The following PXK variants were observed in gnomAD, a reference collection of about 807,000 sequenced individuals.
PXK encodes the protein PX domain-containing protein kinase-like protein.
In PXK, 35 loss-of-function variants were observed where a neutral mutation model predicts 84.7. The observed-to-expected ratio is 0.41, with a 90% CI of 0.32 to 0.55. PXK has a LOEUF of 0.55. PXK is among the 20% of genes least tolerant of loss of function. The pLI is 0.21. For missense variants in PXK, 634 were observed against 699.7 expected (o/e 0.91, Z 1.06); for synonymous variants, 253 against 260.8 (o/e 0.97, Z 0.29).
At position 58,402,796 on chromosome 3, in the gene PXK, C is replaced by G. The variant is rs1206272509; in HGVS notation, c.1182-1066C>G. ...TTGGTCACATGGGTAATTTTAAAATCATTTTTTATTATTTTTATTTTTAAC... is the reference window on the plus strand; with the variant it reads ...TTGGTCACATGGGTAATTTTAAAATGATTTTTTATTATTTTTATTTTTAAC... On this transcript the variant is annotated intron_variant, in intron 12 of 17. Coordinates refer to ENST00000356151, the MANE Select transcript of PXK (RefSeq NM_017771.5). Among the ~76,000 whole-genome samples the G allele has an allele frequency of 2.1e-5, 3 of 139,720 alleles. 1 individual carries two copies. The highest frequency in any genetic ancestry group is 4.6e-4 in the South Asian group (2 of 4,336). 91.7% of individuals were successfully genotyped at this position (139,720 alleles called of 152,430 possible).
At chr3:58,352,645 C>T (rs1211179152) in intron 1 of PXK, among the ~76,000 whole-genome samples, 1 of 151,972 alleles carries the variant, frequency 6.6e-6, no homozygotes, top group African/African-American at 2.4e-5. Context: ...ATGTAATTTG[C>T]GTGGGTGTCA....
In PXK at chr3:58,412,244, A is replaced by T. The variant is rs1435397799; in HGVS notation, c.1466-657A>T. ...GGAAGATATTTTCTAGGGATCGCCA[A>T]GTAATGGGGAGATGCTGAGAACTTG... On this transcript the variant is annotated intron_variant, in intron 16 of 17. Transcript: ENST00000356151. The surrounding 1 kb of genome is among the most constrained non-coding windows in gnomAD (Gnocchi z 6.2). Among the ~76,000 whole-genome samples the T allele has an allele frequency of 2.6e-5, 4 of 152,162 alleles. No homozygotes were observed. The highest frequency in any genetic ancestry group is 5.9e-5 in the Non-Finnish European group (4 of 68,038).
At chr3:58,394,854 A>C (rs1264550285) in intron 7 of PXK, 144 bp from the exon 8 acceptor site, 1 of 552,420 alleles carries the variant, frequency 1.8e-6, no homozygotes, top group Non-Finnish European at 3.2e-6. Flanking sequence ...TAACTTGAAA[A>C]TGCCATGTGT....
chr3:58,368,117 A>G (rs995913295), intron 2 of PXK, among the ~76,000 whole-genome samples: 2 of 152,208 alleles, frequency 1.3e-5, no homozygotes, highest in South Asian at 2.1e-4. Context: ...GATTGTAGGT[A>G]TGAGCCATTG....
intron 4 of PXK, among the ~76,000 whole-genome samples, chr3:58,389,220 T>C (rs542294006): frequency 3.9e-5 from 6 of 152,278 alleles, no homozygotes; most frequent in Admixed American, 1.3e-4. Flanking sequence ...AATAGAACCA[T>C]GTTGTTGCTG....
chr3:58,409,415 C>G lies in PXK; in HGVS notation c.1309-117C>G. ...CGAGCCAGGAAGTAGACAGCCTGAG[C>G]AAGGAAAGATTTTCTTTTATCCCAA... On this transcript the variant is annotated intron_variant, in intron 14 of 17. Transcript: ENST00000356151. The surrounding 1 kb of genome is among the most constrained non-coding windows in gnomAD (Gnocchi z 4.2). The G allele has an allele frequency of 1.0e-6, 1 of 955,898 alleles. No homozygotes were observed. The highest frequency in any genetic ancestry group is 1.6e-6 in the Non-Finnish European group (1 of 619,994). The allele number at this position is 955,898 out of a possible 1,614,324, so 59.2% of individuals were successfully genotyped here.
At chr3:58,363,125 C>T (rs944628480) in intron 1 of PXK, among the ~76,000 whole-genome samples, 7 of 152,036 alleles carry the variant, frequency 4.6e-5, no homozygotes, top group Non-Finnish European at 8.8e-5. Flanking sequence ...TATTTCTATT[C>T]GTTTATTCAG....
At chr3:58,342,350 A>G (rs1203746376) in intron 1 of PXK, among the ~76,000 whole-genome samples, 1 of 149,806 alleles carries the variant, frequency 6.7e-6, no homozygotes, top group East Asian at 1.9e-4. Flanking sequence ...ACTGCCGGAA[A>G]AACTTTTTTA....
chr3:58,365,976 G>C (rs1189125956), intron 2 of PXK, 52 bp downstream of exon 2: 1 of 1,438,030 alleles, frequency 7.0e-7, no homozygotes. Flanking sequence ...TTAAATGCGT[G>C]ACTAAAACCC....
chr3:58,423,067 C>T (rs561945841), intron 17 of PXK: 127 of 985,386 alleles, frequency 1.3e-4, no homozygotes, highest in African/African-American at 5.9e-4. Context: ...CTCACTCCTT[C>T]GGGCCCACTT....
rs982208397 is a variant in PXK at position 58,398,815 on chromosome 3, C to T, written c.1103-484C>T. Among the ~76,000 whole-genome samples the T allele has an allele frequency of 2.0e-5, 3 of 152,150 alleles. No homozygotes were observed. The highest frequency in any genetic ancestry group is 7.2e-5 in the African/African-American group (3 of 41,414). ...GGACTATATTGTGTTGAATTTGAAC[C>T]GCTGAAACTGAACAGTGACCTGTGG... On this transcript the variant is annotated intron_variant, in intron 11 of 17. Coordinates refer to ENST00000356151, the MANE Select transcript of PXK (RefSeq NM_017771.5). The surrounding 1 kb of genome is among the most constrained non-coding windows in gnomAD (Gnocchi z 4.5).
At chr3:58,402,844 G>A (rs1315690446) in intron 12 of PXK, among the ~76,000 whole-genome samples, 1 of 149,746 alleles carries the variant, frequency 6.7e-6, no homozygotes, top group Non-Finnish European at 1.5e-5. Flanking sequence ...GGGTACATGC[G>A]AAAGTTTGCT....
intron 1 of PXK, among the ~76,000 whole-genome samples, chr3:58,344,455 A>G (rs568957851): frequency 6.6e-6 from 1 of 152,286 alleles, no homozygotes; most frequent in East Asian, 1.9e-4. Context: ...TTTGACAGCC[A>G]TGCTTGGGAG....
At chr3:58,354,052 C>G (rs143985778) in intron 1 of PXK, among the ~76,000 whole-genome samples, 3 of 152,124 alleles carry the variant, frequency 2.0e-5, no homozygotes, top group African/African-American at 4.8e-5. Context: ...CGGAGTGAAC[C>G]CAGAGGGGTG....
chr3:58,382,246 G>A (rs1357708095), intron 3 of PXK, among the ~76,000 whole-genome samples: 1 of 152,146 alleles, frequency 6.6e-6, no homozygotes, highest in Non-Finnish European at 1.5e-5. Flanking sequence ...AAGTCAGGAG[G>A]TGGAGGTTTC....
chr3:58,362,533 C>T (rs762960601), intron 1 of PXK, among the ~76,000 whole-genome samples: 1 of 152,220 alleles, frequency 6.6e-6, no homozygotes, highest in Non-Finnish European at 1.5e-5. Context: ...AAAAGGCTAT[C>T]ATTCCTCTAT....
At chr3:58,337,580 C>T (rs894892656) in intron 1 of PXK, among the ~76,000 whole-genome samples, 11 of 152,158 alleles carry the variant, frequency 7.2e-5, no homozygotes, top group Non-Finnish European at 1.5e-4. Flanking sequence ...AGGAATACTC[C>T]TGCCTCAGCC....
Position 58,425,018 on chromosome 3 carries a change from C to G in PXK, c.*58C>G. On this transcript the variant is annotated 3_prime_UTR_variant, in exon 18 of 18. Transcript: ENST00000356151. Reference sequence around the variant, plus strand: ...TTTTTTATTCCTACTCACCCCTACCCCCCAAACTACCCTCTTCCTGGGAAA... The same window carrying G: ...TTTTTTATTCCTACTCACCCCTACCGCCCAAACTACCCTCTTCCTGGGAAA... 1 of 1,582,818 alleles carries G rather than the reference C, an allele frequency of 6.3e-7. No homozygotes were observed. Among genetic ancestry groups the G allele is most frequent in the South Asian group, 1.2e-5 (1 of 86,050 alleles).
chr3:58,340,435 C>A (rs777274935), intron 1 of PXK, among the ~76,000 whole-genome samples: 4 of 149,716 alleles, frequency 2.7e-5, no homozygotes, highest in South Asian at 4.4e-4. Context: ...GATTGTTGAT[C>A]GAAAGTTTAA....
Sources: gnomAD v4.1 joint callset for allele counts (sites outside exome capture counted in the v4.1 genomes callset) on GRCh38, gnomAD v4.1.1 for gene constraint, Gnocchi (gnomAD v3.1) non-coding constraint, MANE v1.5 for transcripts, NCBI Gene and HGNC (gene_info 2026-07-23, HGNC 2026-07-21) for gene names.